Variants in PVALEF observed in about 807,000 individuals in gnomAD.
PVALEF encodes parvalbumin like EF-hand containing.
PVALEF carries 2 observed loss-of-function variants against 1.2 expected under a neutral mutation model. The observed-to-expected ratio is 1.68, with a 90% confidence interval of 0.69 to 5.28. The LOEUF (loss-of-function observed/expected upper bound fraction) is 5.28, where lower values mean the gene tolerates loss of function less well. PVALEF is among the 30% of genes most tolerant of loss of function. The pLI is 0.06. For synonymous variants in PVALEF, 16 were observed against 6.5 expected (o/e 2.47, Z -2.24); for missense variants, 35 against 17.7 (o/e 1.97, Z -1.75).
At chr17:81,173,075 C>T (rs1188300115) in intron 2 of PVALEF, among the ~76,000 whole-genome samples, 2 of 152,180 alleles carry the variant, frequency 1.3e-5, no homozygotes, top group Non-Finnish European at 2.9e-5. Context: ...GGGAGCTCCT[C>T]GGTGATGTGT....
chr17:81,167,071 T>C (rs1211990213), intron 2 of PVALEF, among the ~76,000 whole-genome samples: 1 of 151,780 alleles, frequency 6.6e-6, no homozygotes, highest in Admixed American at 6.5e-5. Context: ...GGCAGGCGGG[T>C]GGCTTGTGCT....
intron 2 of PVALEF, among the ~76,000 whole-genome samples, chr17:81,178,160 TGTCACCTGTCACATATCATGACC>T (rs2061541610): frequency 6.6e-6 from 1 of 152,194 alleles, no homozygotes. Flanking sequence ...TTACATTCAT[TGTCACCTGTCACATATCATGACC>T]GTCACCTTCA....
chr17:81,166,579 G>A (rs1432944273), intron 1 of PVALEF, 98 bp from the exon 2 acceptor site: 3 of 394,330 alleles, frequency 7.6e-6, no homozygotes, highest in Admixed American at 2.8e-5. Flanking sequence ...GGGGGAGGGG[G>A]TACTCCTAGG....
chr17:81,180,401 G>A (rs954824396), intron 3 of PVALEF, among the ~76,000 whole-genome samples: 2 of 152,162 alleles, frequency 1.3e-5, no homozygotes, highest in African/African-American at 4.8e-5. Context: ...TCTGAATGAA[G>A]TGGGGCGGGG....
intron 1 of PVALEF, 37 bp from the exon 2 acceptor site, chr17:81,166,640 G>C (rs1472095962): frequency 3.5e-5 from 16 of 452,748 alleles, no homozygotes; most frequent in Admixed American, 7.1e-5. Context: ...CACCCAGGGC[G>C]GGTCTTGGTG....
chr17:81,181,431 C>G (rs1355728215), intron 4 of PVALEF, 99 bp downstream of exon 4: 4 of 527,170 alleles, frequency 7.6e-6, no homozygotes, highest in Non-Finnish European at 1.3e-5. Context: ...TCCAGGACAC[C>G]AGGACCTGCG....
intron 2 of PVALEF, among the ~76,000 whole-genome samples, chr17:81,172,650 C>T (rs1317069822): frequency 6.6e-6 from 1 of 152,038 alleles, no homozygotes; most frequent in Non-Finnish European, 1.5e-5. Flanking sequence ...ATCCCAGCTA[C>T]CTGGGAGGCT....
rs1598252086 is a variant in PVALEF at position 81,181,123 on chromosome 17, C to A, written c.-104C>A. ...GCCTGTCACCATTCCCACTTTACAG[C>A]AGGATCCAGCACCACGCGGCGTCTA... On this transcript the variant is annotated splice_region_variant and 5_prime_UTR_variant, in exon 4 of 7. Coordinates refer to ENST00000637878, the MANE Select transcript of PVALEF (RefSeq NM_001354639.2). 1.2e-5 allele frequency: 8 copies of A among 662,396 alleles called. 1 individual carries two copies. In the East Asian group the frequency reaches 2.0e-4, roughly 16 times the overall value. 41.0% of individuals were successfully genotyped at this position (662,396 alleles called of 1,614,324 possible).
intron 1 of PVALEF, chr17:81,166,028 C>T (rs2061486852): frequency 2.0e-6 from 3 of 1,506,140 alleles, no homozygotes; most frequent in East Asian, 2.8e-5. Context: ...CCCGGGAGGG[C>T]GCTGCGCTCA....
intron 1 of PVALEF, chr17:81,166,077 A>C: frequency 1.0e-6 from 1 of 971,468 alleles, no homozygotes; most frequent in Non-Finnish European, 1.3e-6. Context: ...CGCATCACCC[A>C]GCGGCCGCCG....
chr17:81,169,656 T>C (rs1439155946), intron 2 of PVALEF, among the ~76,000 whole-genome samples: 1 of 152,200 alleles, frequency 6.6e-6, no homozygotes, highest in Non-Finnish European at 1.5e-5. Flanking sequence ...CTCTTCCGGC[T>C]ACTGGTGGCC....
chr17:81,179,047 C>T lies in PVALEF; in HGVS notation c.-210C>T. 1 of 454,876 alleles carries T rather than the reference C, an allele frequency of 2.2e-6. No individual in the cohort carries two copies. The highest frequency in any genetic ancestry group is 1.6e-5 in the South Asian group (1 of 64,314). 28.2% of individuals were successfully genotyped at this position (454,876 alleles called of 1,614,324 possible). On this transcript the variant is annotated 5_prime_UTR_variant, in exon 3 of 7. Transcript: ENST00000637878. ...CGGGGAGGGGCGAGGACAGCTGCAG[C>T]CCCGAGATGTAAACAGGCTTGCAGG...
At chr17:81,181,015 CCT>C (rs911796222) in intron 3 of PVALEF, 106 bp from the exon 4 acceptor site, 1 of 525,868 alleles carries the variant, frequency 1.9e-6, no homozygotes, top group African/African-American at 2.0e-5. Flanking sequence ...CCCGCTGACC[CCT>C]CTGCCTGTGC....
chr17:81,166,831 G>A lies in PVALEF; in HGVS notation c.-353G>A, dbSNP rs774332888. On this transcript the variant is annotated 5_prime_UTR_variant, in exon 2 of 7. The change creates a new upstream start codon in the 5' untranslated region. Transcript: ENST00000637878. ...GAACCTGGCTGAGTCTCCACCTGCC[G>A]TGGACTGTACCAGGTGCTTAGGGCA... 59 of 449,476 alleles carry A rather than the reference G, an allele frequency of 1.3e-4. No individual in the cohort carries two copies. Among genetic ancestry groups the A allele is most frequent in the Middle Eastern group, 6.6e-4 (2 of 3,028 alleles). The allele number at this position is 449,476 out of a possible 1,614,324, so 27.8% of individuals were successfully genotyped here.
chr17:81,172,825 G>C (rs900317410), intron 2 of PVALEF, among the ~76,000 whole-genome samples: 4 of 152,048 alleles, frequency 2.6e-5, no homozygotes, highest in Admixed American at 6.5e-5. Flanking sequence ...GCACAACACG[G>C]AGTCATCTCC....
intron 2 of PVALEF, among the ~76,000 whole-genome samples, chr17:81,178,378 C>A (rs988170805): frequency 6.6e-6 from 1 of 152,168 alleles, no homozygotes; most frequent in African/African-American, 2.4e-5. Flanking sequence ...AGGGGCAGGG[C>A]TGTTGGCACC....
At chr17:81,181,725 C>A (rs2061554915) in intron 5 of PVALEF, 31 bp downstream of exon 5, 1 of 399,784 alleles carries the variant, frequency 2.5e-6, no homozygotes, top group Non-Finnish European at 4.4e-6. Context: ...AGGGGTGGGG[C>A]CCAGGCCACC....
chr17:81,168,923 G>A (rs903769018), intron 2 of PVALEF, among the ~76,000 whole-genome samples: 3 of 152,212 alleles, frequency 2.0e-5, no homozygotes, highest in Non-Finnish European at 4.4e-5. Context: ...CTGTCCATAC[G>A]ATGCAATGGT....
At position 81,181,144 on chromosome 17, in the gene PVALEF, G is replaced by A. The variant is rs1014221884; in HGVS notation, c.-83G>A. ...ACAGCAGGATCCAGCACCACGCGGCGTCTACGTCTGCTCTGGCCCAAGCAG... is the reference window on the plus strand; with the variant it reads ...ACAGCAGGATCCAGCACCACGCGGCATCTACGTCTGCTCTGGCCCAAGCAG... On this transcript the variant is annotated 5_prime_UTR_variant, in exon 4 of 7. Coordinates refer to ENST00000637878, the MANE Select transcript of PVALEF (RefSeq NM_001354639.2). 24 of 690,736 alleles carry A rather than the reference G, an allele frequency of 3.5e-5. No individual in the cohort carries two copies. Among genetic ancestry groups the A allele is most frequent in the Non-Finnish European group, 3.7e-5 (14 of 378,756 alleles). 42.8% of individuals were successfully genotyped at this position (690,736 alleles called of 1,614,324 possible).
Sources: allele counts gnomAD v4.1 joint callset (sites outside exome capture counted in the v4.1 genomes callset), GRCh38; gene constraint gnomAD v4.1.1; transcripts MANE v1.5; gene names NCBI Gene and HGNC (gene_info 2026-07-23, HGNC 2026-07-21).